USH2A: variants seen among roughly 807,000 people sequenced by gnomAD.
The protein encoded by USH2A is Usher syndrome 2A (autosomal recessive, mild).
A neutral mutation model predicts 538.9 loss-of-function variants in USH2A; 443 were observed. The observed-to-expected ratio is 0.82, with a 90% CI of 0.76 to 0.89. The LOEUF (loss-of-function observed/expected upper bound fraction) is 0.89, where lower values mean the gene tolerates loss of function less well. Ranked by LOEUF, USH2A falls within the 40% of genes least tolerant of loss-of-function variation. The probability of loss-of-function intolerance (pLI) is 0.00; values close to 1 mark genes in which losing one functional copy is unlikely to be tolerated. For synonymous variants in USH2A, 2,413 were observed against 2,273.5 expected, an observed-to-expected ratio of 1.06 and a Z score of -1.75; for missense variants, 6,633 against 6,324.8, an observed-to-expected ratio of 1.05 and a Z score of -1.65.
At chr1:215,713,053 C>T (rs1441587643) in intron 61 of USH2A, among the ~76,000 whole-genome samples, 1 of 152,140 alleles carries the variant, frequency 6.6e-6, no homozygotes, top group African/African-American at 2.4e-5. Flanking sequence ...GTGATCTGCC[C>T]ACCTCGGCTT....
chr1:215,801,374 TAGAGA>T (rs1008422897), intron 49 of USH2A, among the ~76,000 whole-genome samples: 3 of 147,556 alleles, frequency 2.0e-5, no homozygotes, highest in Non-Finnish European at 3.0e-5. Flanking sequence ...TGATATCATA[TAGAGA>T]AAACTATAAA....
chr1:216,198,306 G>A lies in USH2A; in HGVS notation c.4081+9C>T. The A allele has an allele frequency of 6.2e-7, 1 of 1,613,794 alleles. No individual in the cohort carries two copies. Among genetic ancestry groups the A allele is most frequent in the East Asian group, 2.2e-5 (1 of 44,830 alleles). On this transcript the variant is annotated intron_variant, in intron 18 of 71. Transcript: ENST00000307340. Reference sequence around the variant, plus strand: ...TTTTAAAAGTAGAATTTAAAACATTGATCTTTACCTGATTCTCCCGTTCTT... The same window carrying A: ...TTTTAAAAGTAGAATTTAAAACATTAATCTTTACCTGATTCTCCCGTTCTT...
chr1:215,950,384 AATATG>A (rs1475651996), intron 37 of USH2A, among the ~76,000 whole-genome samples: 1 of 152,194 alleles, frequency 6.6e-6, no homozygotes, highest in Non-Finnish European at 1.5e-5. Flanking sequence ...AAATGTGTAA[AATATG>A]ATATGTGTTT....
chr1:215,968,644 G>A (rs1276007534), intron 36 of USH2A, among the ~76,000 whole-genome samples: 3 of 152,082 alleles, frequency 2.0e-5, no homozygotes, highest in Non-Finnish European at 4.4e-5. Flanking sequence ...TTCCCTGCAT[G>A]TGTGGATAAT....
chr1:216,191,729 A>T (rs2034720358), intron 19 of USH2A, among the ~76,000 whole-genome samples: 1 of 151,972 alleles, frequency 6.6e-6, no homozygotes, highest in Non-Finnish European at 1.5e-5. Flanking sequence ...CCCTTTTAGA[A>T]TAATCCTGGT....
At chr1:216,075,857 T>TAA (rs57104827) in intron 27 of USH2A, among the ~76,000 whole-genome samples, 5,230 of 149,172 alleles carry the variant, frequency 0.035, 154 homozygotes, top group African/African-American at 0.072. Flanking sequence ...GTTAGTAGAT[T>TAA]AAAAAAAAAA....
At chr1:216,179,419 G>A (rs902649395) in intron 20 of USH2A, among the ~76,000 whole-genome samples, 22 of 151,994 alleles carry the variant, frequency 1.4e-4, no homozygotes, top group African/African-American at 5.3e-4. Flanking sequence ...ATTCCCAGAG[G>A]AATTATTCCA....
At chr1:215,827,613 C>G (rs1043882326) in intron 47 of USH2A, among the ~76,000 whole-genome samples, 4 of 152,220 alleles carry the variant, frequency 2.6e-5, no homozygotes, top group African/African-American at 9.6e-5. Flanking sequence ...TTCCTAAAAG[C>G]CATGGTGACC....
intron 67 of USH2A, among the ~76,000 whole-genome samples, chr1:215,642,471 G>T (rs1558034605): frequency 6.6e-6 from 1 of 152,192 alleles, no homozygotes; most frequent in Non-Finnish European, 1.5e-5. Flanking sequence ...GTGCTCTCCA[G>T]TGGTGTGCTG....
At chr1:215,865,965 C>T (rs1664457911) in intron 44 of USH2A, among the ~76,000 whole-genome samples, 2 of 152,154 alleles carry the variant, frequency 1.3e-5, no homozygotes, top group South Asian at 4.1e-4. Flanking sequence ...CAAGGCTGAT[C>T]CAGTGTAACC....
At chr1:215,866,893 C>G in intron 44 of USH2A, 114 bp downstream of exon 44, 1 of 1,451,440 alleles carries the variant, frequency 6.9e-7, no homozygotes, top group Non-Finnish European at 9.5e-7. Context: ...TAAAAATTTA[C>G]CAGTAACACT....
chr1:216,103,837 G>T (rs1003389278), intron 21 of USH2A, among the ~76,000 whole-genome samples: 1 of 152,032 alleles, frequency 6.6e-6, no homozygotes, highest in Non-Finnish European at 1.5e-5. Context: ...TCCAGGAACT[G>T]CAAATTAAAA....
intron 32 of USH2A, among the ~76,000 whole-genome samples, chr1:216,001,859 T>C (rs1315191843): frequency 6.6e-6 from 1 of 152,148 alleles, no homozygotes; most frequent in Non-Finnish European, 1.5e-5. Context: ...TAATTTACAG[T>C]AAATATGGTT....
rs567603093 is a variant in USH2A, at chr1:216,145,789, G to T, written c.4627+29463C>A. 7.9e-5 allele frequency among the ~76,000 whole-genome samples: 12 copies of T among 152,196 alleles called. No individual in the cohort carries two copies. In the South Asian group the frequency reaches 1.9e-3, roughly 24 times the overall value. ...TTGCCTTAACTGATGACATTACCTC[G>T]TGAAAGTCCTTCTCCTGGCTCATCC... is the stretch of plus-strand genomic sequence containing the variant. On this transcript the variant is annotated intron_variant, in intron 21 of 71. Transcript: ENST00000307340.
chr1:216,246,922 T>A lies in USH2A; in HGVS notation c.2472A>T (p.Arg824Ser), dbSNP rs764514860. 6.2e-7 allele frequency: 1 copy of A among 1,614,124 alleles called. No homozygotes were observed. Among genetic ancestry groups the A allele is most frequent in the Admixed American group, 1.7e-5 (1 of 60,018 alleles). ...TTCCCTCCAAACATTTATTGCACTGTCTCCCTTCAACATTGGGCTTGCAGA... is the reference window on the plus strand; with the variant it reads ...TTCCCTCCAAACATTTATTGCACTGACTCCCTTCAACATTGGGCTTGCAGA... Reference protein sequence around the residue: ...QCICKPNVEGRQCNKCLEGNF... With the variant: ...QCICKPNVEGSQCNKCLEGNF... Residue 824 changes from arginine (R) to serine (S), a missense_variant, in exon 13 of 72, where the codon AGA becomes AGT. Coordinates refer to ENST00000307340, the MANE Select transcript of USH2A (RefSeq NM_206933.4).
chr1:216,322,604 C>G (rs373100829), intron 8 of USH2A, among the ~76,000 whole-genome samples: 1 of 72,724 alleles, frequency 1.4e-5, no homozygotes, highest in Non-Finnish European at 2.9e-5. Context: ...AAAAGCCTGT[C>G]AAAAAAAAAA....
intron 55 of USH2A, 69 bp downstream of exon 55, chr1:215,779,774 G>A (rs1661567741): frequency 6.3e-7 from 1 of 1,576,368 alleles, no homozygotes; most frequent in South Asian, 1.1e-5. Context: ...ACACCCCTGG[G>A]ATGCTTTGCC....
intron 4 of USH2A, among the ~76,000 whole-genome samples, chr1:216,346,666 T>C (rs942999975): frequency 2.0e-5 from 3 of 151,764 alleles, no homozygotes. Flanking sequence ...TTCCCTCTTT[T>C]TGGGATCCAG....
intron 37 of USH2A, among the ~76,000 whole-genome samples, chr1:215,935,303 T>C (rs1666465236): frequency 6.6e-6 from 1 of 152,028 alleles, no homozygotes; most frequent in African/African-American, 2.4e-5. Flanking sequence ...AACTGAGGTG[T>C]TTTCTGTTCA....
Sources: allele counts gnomAD v4.1 joint callset (sites outside exome capture counted in the v4.1 genomes callset), GRCh38; gene constraint gnomAD v4.1.1; transcripts MANE v1.5; gene names NCBI Gene and HGNC (gene_info 2026-07-23, HGNC 2026-07-21).